Variants in CSNK1A1 observed in about 807,000 individuals in gnomAD.
The protein encoded by CSNK1A1 is casein kinase I isoform alpha.
CSNK1A1 carries 7 observed loss-of-function variants against 46.1 expected under a neutral mutation model. The ratio of observed to expected loss-of-function variants is 0.15; its 90% CI spans 0.09 to 0.29. CSNK1A1 has a LOEUF of 0.29. CSNK1A1 is among the 10% of genes least tolerant of loss of function. The probability of loss-of-function intolerance (pLI) is 1.00; values close to 1 mark genes in which losing one functional copy is unlikely to be tolerated. For synonymous variants in CSNK1A1, 137 were observed against 141.5 expected (o/e 0.97, Z 0.23); for missense variants, 96 against 417.1 (o/e 0.23, Z 6.71).
At chr5:149,542,803 C>A (rs1311933008) in intron 2 of CSNK1A1, among the ~76,000 whole-genome samples, 1 of 143,132 alleles carries the variant, frequency 7.0e-6, no homozygotes, top group Non-Finnish European at 1.5e-5. Flanking sequence ...TCAAGCAATT[C>A]TCCTGACTCA....
At chr5:149,497,658 CTTAAG>C in intron 9 of CSNK1A1, 1 of 985,462 alleles carries the variant, frequency 1.0e-6, no homozygotes, top group Non-Finnish European at 1.2e-6. Flanking sequence ...CTGAAAATCT[CTTAAG>C]CACCGTTTTT....
At chr5:149,541,277 C>T (rs188894569) in intron 2 of CSNK1A1, among the ~76,000 whole-genome samples, 2 of 151,468 alleles carry the variant, frequency 1.3e-5, no homozygotes, top group African/African-American at 2.4e-5. Flanking sequence ...CTCAGCCTCC[C>T]GAGTAGCTGG....
intron 2 of CSNK1A1, among the ~76,000 whole-genome samples, chr5:149,548,087 T>C (rs1762535585): frequency 6.6e-6 from 1 of 151,796 alleles, no homozygotes; most frequent in African/African-American, 2.4e-5. Flanking sequence ...GCCAGGCTGG[T>C]GTTGAACTCC....
chr5:149,522,696 C>T (rs909797845), intron 3 of CSNK1A1, among the ~76,000 whole-genome samples: 2 of 152,224 alleles, frequency 1.3e-5, no homozygotes, highest in Non-Finnish European at 2.9e-5. Context: ...CAGAGCAAGA[C>T]TTAGGTGTCA....
At chr5:149,502,153 A>G in intron 9 of CSNK1A1, 1 of 961,184 alleles carries the variant, frequency 1.0e-6, no homozygotes, top group Non-Finnish European at 1.2e-6. Flanking sequence ...AAACAACACC[A>G]TTTTTACTGA....
chr5:149,550,431 T>G lies in CSNK1A1; in HGVS notation c.124-250A>C. ...TCATCCAGAAAAAAGAGGCAACCTC[T>G]GAACGTAGTGAGAGGTTTTTAAGGA... On this transcript the variant is annotated intron_variant, in intron 1 of 9. Transcript: ENST00000377843. The surrounding 1 kb of genome is among the most constrained non-coding windows in gnomAD (Gnocchi z 4.3). The G allele has an allele frequency of 8.8e-7, 1 of 1,131,216 alleles. No individual in the cohort carries two copies. Among genetic ancestry groups the G allele is most frequent in the Non-Finnish European group, 1.1e-6 (1 of 872,042 alleles). The allele number at this position is 1,131,216 out of a possible 1,614,324, so 70.1% of individuals were successfully genotyped here.
chr5:149,535,952 T>C (rs1677866154), intron 2 of CSNK1A1, among the ~76,000 whole-genome samples: 2 of 151,948 alleles, frequency 1.3e-5, no homozygotes, highest in African/African-American at 4.8e-5. Context: ...AGCCACCAAA[T>C]GGCTTTCTTT....
chr5:149,525,329 A>G lies in CSNK1A1; in HGVS notation c.231-158T>C, dbSNP rs1345743495. Among the ~76,000 whole-genome samples the G allele has an allele frequency of 1.3e-5, 2 of 152,194 alleles. No homozygotes were observed. Among genetic ancestry groups the G allele is most frequent in the Non-Finnish European group, 2.9e-5 (2 of 68,028 alleles). On this transcript the variant is annotated intron_variant, in intron 2 of 9. Coordinates refer to ENST00000377843, the MANE Select transcript of CSNK1A1 (RefSeq NM_001892.6). The surrounding 1 kb of genome is among the most constrained non-coding windows in gnomAD (Gnocchi z 4.2). The stretch of plus-strand genomic sequence containing the variant: ...AACCCACTAATTAACTACAAGGCCC[A>G]AAGACAAAACAAGGGTAATGAGACT...
At chr5:149,498,251 C>T (rs1462392939) in intron 9 of CSNK1A1, 6 of 984,308 alleles carry the variant, frequency 6.1e-6, no homozygotes, top group Admixed American at 6.2e-5. Context: ...GAAATAATAG[C>T]GAACATACAA....
intron 9 of CSNK1A1, among the ~76,000 whole-genome samples, chr5:149,500,810 T>TAA (rs34965894): frequency 3.9e-4 from 56 of 143,722 alleles, no homozygotes; most frequent in East Asian, 1.2e-3. Context: ...AAAGAATAAT[T>TAA]AAAAAAAAAA....
chr5:149,494,878 CAT>C lies in CSNK1A1; in HGVS notation c.*1973_*1974del. 1 of 152,282 alleles carries C rather than the reference CAT, an allele frequency of 6.6e-6. No individual in the cohort carries two copies. Among genetic ancestry groups the C allele is most frequent in the East Asian group, 1.9e-4 (1 of 5,190 alleles). 9.4% of individuals were successfully genotyped at this position (152,282 alleles called of 1,614,324 possible). A position where few individuals can be genotyped will look rare whatever the true frequency, so the allele number is the denominator to read the frequency against. ...TTACAAAAATATTTCAGAAAAAGTG[CAT>C]AGTCTAAGTGCATAGTAAATAAAAG... On this transcript the variant is annotated 3_prime_UTR_variant, in exon 10 of 10. Transcript: ENST00000377843.
chr5:149,506,785 T>C (rs368068394), intron 8 of CSNK1A1, among the ~76,000 whole-genome samples: 8 of 152,360 alleles, frequency 5.3e-5, no homozygotes, highest in African/African-American at 1.9e-4. Flanking sequence ...ATAACTATTC[T>C]GGAAAAGTTA....
rs1309757731 is a variant in CSNK1A1 at position 149,502,518 on chromosome 5, T to G, written c.1006+2929A>C. 4.7e-4 allele frequency: 26 copies of G among 55,248 alleles called. 1 individual carries two copies. In the East Asian group the frequency reaches 0.046, roughly 98 times the overall value. 3.4% of individuals were successfully genotyped at this position (55,248 alleles called of 1,614,324 possible). A position where few individuals can be genotyped will look rare whatever the true frequency, so the allele number is the denominator to read the frequency against. On this transcript the variant is annotated intron_variant, in intron 9 of 9. Coordinates refer to ENST00000377843, the MANE Select transcript of CSNK1A1 (RefSeq NM_001892.6). ...ACTACTGCGCCTGGCGCTTTTTTTT[T>G]TTGGGGGGGGGGGGGTTGGGGACGA...
chr5:149,520,422 A>G (rs760706979), intron 3 of CSNK1A1, 34 bp from the exon 4 acceptor site: 3 of 1,226,502 alleles, frequency 2.4e-6, no homozygotes, highest in Non-Finnish European at 3.6e-6. Context: ...TAATTGAGTT[A>G]AGTAGTAAAT....
intron 9 of CSNK1A1, chr5:149,497,638 C>T: frequency 4.1e-6 from 4 of 985,430 alleles, no homozygotes; most frequent in Non-Finnish European, 4.8e-6. Flanking sequence ...GCCTGTCCCA[C>T]AGCAATAGCC....
chr5:149,500,065 T>C (rs1007140443), intron 9 of CSNK1A1, among the ~76,000 whole-genome samples: 7 of 146,508 alleles, frequency 4.8e-5, no homozygotes. Context: ...GTCTCCTGGG[T>C]TCACGCCATT....
Position 149,550,699 on chromosome 5 carries a change from G to T in CSNK1A1, c.123+143C>A. On this transcript the variant is annotated intron_variant, in intron 1 of 9. Coordinates refer to ENST00000377843, the MANE Select transcript of CSNK1A1 (RefSeq NM_001892.6). This position sits in a 1 kb window ranked among gnomAD's most constrained non-coding sequence, Gnocchi z 4.3. ...TTTAGGGAGACAGCGGACGAGGTTC[G>T]TAAGCCAGGAAAACTAGCTCCCTGG... 1 of 1,199,524 alleles carries T rather than the reference G, an allele frequency of 8.3e-7. No homozygotes were observed. Among genetic ancestry groups the T allele is most frequent in the Non-Finnish European group, 1.2e-6 (1 of 867,912 alleles). 74.3% of individuals were successfully genotyped at this position (1,199,524 alleles called of 1,614,324 possible). A position where few individuals can be genotyped will look rare whatever the true frequency, so the allele number is the denominator to read the frequency against.
intron 2 of CSNK1A1, among the ~76,000 whole-genome samples, chr5:149,531,836 C>CAA (rs201068827): frequency 1.5e-3 from 188 of 124,098 alleles, no homozygotes; most frequent in Non-Finnish European, 2.6e-3. Context: ...GACTCCATCT[C>CAA]AAAAAAAAAA....
At chr5:149,501,045 T>C in intron 9 of CSNK1A1, 1 of 984,588 alleles carries the variant, frequency 1.0e-6, no homozygotes, top group Non-Finnish European at 1.2e-6. Context: ...CCCCAGCTGG[T>C]AGATGGTCTG....
Sources: allele counts gnomAD v4.1 joint callset (sites outside exome capture counted in the v4.1 genomes callset), GRCh38; gene constraint gnomAD v4.1.1; non-coding constraint Gnocchi (gnomAD v3.1); transcripts MANE v1.5; gene names NCBI Gene and HGNC (gene_info 2026-07-23, HGNC 2026-07-21).